Variants in PTPRG observed in about 807,000 individuals in gnomAD.
The protein encoded by PTPRG is receptor-type tyrosine-protein phosphatase gamma.
Under a neutral mutation model 165.3 loss-of-function variants are expected in PTPRG, and 102 were observed. That is an observed-to-expected ratio of 0.62 (90% CI 0.53 to 0.73). The LOEUF is 0.73. Ranked by LOEUF, PTPRG falls within the 30% of genes least tolerant of loss-of-function variation. The pLI is 0.00. For missense variants in PTPRG, 1,866 were observed against 1,861.4 expected (o/e 1.00, Z -0.05); for synonymous variants, 675 against 669.5 (o/e 1.01, Z -0.13).
intron 2 of PTPRG, among the ~76,000 whole-genome samples, chr3:61,947,604 A>AT (rs2039792279): frequency 6.6e-6 from 1 of 152,194 alleles, no homozygotes; most frequent in African/African-American, 2.4e-5. Flanking sequence ...ATAGGAACTG[A>AT]TTGACTGAAG....
chr3:61,634,313 C>G (rs1701845001), intron 1 of PTPRG, among the ~76,000 whole-genome samples: 2 of 152,084 alleles, frequency 1.3e-5, no homozygotes, highest in African/African-American at 4.8e-5. Context: ...TCTCGGCTCA[C>G]TGCAGCCTCC....
chr3:62,063,907 G>A (rs1200130039), intron 4 of PTPRG, among the ~76,000 whole-genome samples: 1 of 152,174 alleles, frequency 6.6e-6, no homozygotes, highest in East Asian at 1.9e-4. Flanking sequence ...TTGTGTTACA[G>A]TGAGATCAGG....
At position 62,224,345 on chromosome 3, in the gene PTPRG, C is replaced by T. The variant is rs75491611; in HGVS notation, c.2288+5362C>T. ...CACGTGAGGTCTGACAGGGTTGAGC[C>T]GCCCTCCTCCACCAGTGGTTTCTCT... On this transcript the variant is annotated intron_variant, in intron 13 of 29. Transcript: ENST00000474889. The surrounding 1 kb of genome is among the most constrained non-coding windows in gnomAD (Gnocchi z 4.9). Among the ~76,000 whole-genome samples, 82 of 152,284 alleles carry T rather than the reference C, an allele frequency of 5.4e-4. 5 individuals are homozygous for T. In the East Asian group the frequency reaches 7.7e-3, roughly 14 times the overall value.
At chr3:62,013,635 T>C (rs1312728687) in intron 4 of PTPRG, among the ~76,000 whole-genome samples, 1 of 152,246 alleles carries the variant, frequency 6.6e-6, no homozygotes, top group Non-Finnish European at 1.5e-5. Context: ...TTCACTATAA[T>C]CATCATTTTA....
intron 16 of PTPRG, among the ~76,000 whole-genome samples, chr3:62,257,668 T>C (rs1701569717): frequency 6.6e-6 from 1 of 152,150 alleles, no homozygotes; most frequent in Non-Finnish European, 1.5e-5. Context: ...TAAAGTAGTG[T>C]CCTGGGCCAG....
intron 5 of PTPRG, among the ~76,000 whole-genome samples, chr3:62,093,877 T>C (rs1458411219): frequency 6.6e-6 from 1 of 152,196 alleles, no homozygotes; most frequent in Admixed American, 6.5e-5. Flanking sequence ...GACAGCTTTT[T>C]TTCCAAGCAC....
intron 1 of PTPRG, among the ~76,000 whole-genome samples, chr3:61,652,423 G>T (rs1487907448): frequency 6.6e-6 from 1 of 151,942 alleles, no homozygotes; most frequent in East Asian, 1.9e-4. Flanking sequence ...ACCTCTGCCT[G>T]ACTCTGAAAT....
intron 4 of PTPRG, among the ~76,000 whole-genome samples, chr3:62,017,432 T>C (rs889791320): frequency 1.5e-4 from 22 of 151,618 alleles, no homozygotes; most frequent in Non-Finnish European, 3.1e-4. Context: ...TTTTTTTTTT[T>C]TGAGGCGGAG....
intron 1 of PTPRG, among the ~76,000 whole-genome samples, chr3:61,727,056 A>AAG (rs1317424339): frequency 6.6e-6 from 1 of 151,982 alleles, no homozygotes; most frequent in East Asian, 1.9e-4. Context: ...CAAAAAAAAA[A>AAG]AAAAAAGATT....
intron 1 of PTPRG, among the ~76,000 whole-genome samples, chr3:61,639,281 A>G (rs185766600): frequency 6.6e-6 from 1 of 152,112 alleles, no homozygotes; most frequent in African/African-American, 2.4e-5. Flanking sequence ...TGGTTTTTGT[A>G]ATAGTACCAT....
chr3:61,794,417 G>A (rs549166952), intron 2 of PTPRG, among the ~76,000 whole-genome samples: 1 of 152,172 alleles, frequency 6.6e-6, no homozygotes, highest in South Asian at 2.1e-4. Context: ...GACACAATAG[G>A]TCAGGCTTTC....
intron 1 of PTPRG, among the ~76,000 whole-genome samples, chr3:61,656,039 AC>A (rs72439294): frequency 0.25 from 33,211 of 130,468 alleles, 4,502 homozygotes; most frequent in African/African-American, 0.41. Context: ...ACATAGCAAG[AC>A]CCCCCCCCCC....
At chr3:62,096,787 G>C (rs1702135065) in intron 5 of PTPRG, among the ~76,000 whole-genome samples, 1 of 152,152 alleles carries the variant, frequency 6.6e-6, no homozygotes. Flanking sequence ...TTGATGACCA[G>C]GCTGAAACCT....
chr3:62,002,422 T>C (rs1362088314), intron 3 of PTPRG, among the ~76,000 whole-genome samples: 1 of 152,174 alleles, frequency 6.6e-6, no homozygotes, highest in Non-Finnish European at 1.5e-5. Context: ...ATTTATTGAA[T>C]GAATGAATGA....
intron 1 of PTPRG, among the ~76,000 whole-genome samples, chr3:61,602,154 T>C (rs987455696): frequency 6.6e-6 from 1 of 152,052 alleles, no homozygotes; most frequent in African/African-American, 2.4e-5. Flanking sequence ...TTCCTAGCTT[T>C]TTTTTTTTAA....
At chr3:61,834,542 C>T (rs551972545) in intron 2 of PTPRG, among the ~76,000 whole-genome samples, 7 of 152,186 alleles carry the variant, frequency 4.6e-5, no homozygotes, top group South Asian at 4.1e-4. Context: ...AGGCTTGCCA[C>T]GGTGGCTCAT....
chr3:61,913,026 A>G (rs938389832), intron 2 of PTPRG, among the ~76,000 whole-genome samples: 11 of 152,240 alleles, frequency 7.2e-5, no homozygotes, highest in African/African-American at 1.7e-4. Context: ...AAGGAGACCA[A>G]TGGCGGCTGC....
intron 9 of PTPRG, 110 bp downstream of exon 9, chr3:62,191,763 ACTGT>A: frequency 8.8e-7 from 1 of 1,131,156 alleles, no homozygotes; most frequent in Non-Finnish European, 1.3e-6. Flanking sequence ...CTGTCCTCAC[ACTGT>A]CTGGTGAACA....
Position 61,684,754 on chromosome 3 carries a change from TA to T in PTPRG, c.86-64120del, listed in dbSNP as rs1703566863. 2.6e-5 allele frequency among the ~76,000 whole-genome samples: 4 copies of T among 152,238 alleles called. No homozygotes were observed. The South Asian group carries it at 8.3e-4, about 32-fold the overall frequency. On this transcript the variant is annotated intron_variant, in intron 1 of 29. Coordinates refer to ENST00000474889, the MANE Select transcript of PTPRG (RefSeq NM_002841.4). ...TTAGCAAATGTGGATTAATGTAGAT[TA>T]AAACTTGCCTGTGAGATTCCAAGGT...
Sources: allele counts gnomAD v4.1 joint callset (sites outside exome capture counted in the v4.1 genomes callset), GRCh38; gene constraint gnomAD v4.1.1; non-coding constraint Gnocchi (gnomAD v3.1); transcripts MANE v1.5; gene names NCBI Gene and HGNC (gene_info 2026-07-23, HGNC 2026-07-21).